LIPC: variants seen among roughly 807,000 people sequenced by gnomAD.
LIPC encodes the protein lipase C, hepatic type.
In LIPC, 44 loss-of-function variants were observed where a neutral mutation model predicts 50.7. The observed-to-expected ratio is 0.87, with a 90% CI of 0.68 to 1.11. LIPC has a LOEUF of 1.11. Ranked by LOEUF, LIPC falls within the 50% of genes most tolerant of loss-of-function variation. The probability of loss-of-function intolerance (pLI) is 0.00; values close to 1 mark genes in which losing one functional copy is unlikely to be tolerated. For missense variants in LIPC, 697 were observed against 648.2 expected (o/e 1.08, Z -0.82); for synonymous variants, 271 against 256.4 (o/e 1.06, Z -0.54).
Position 58,545,740 on chromosome 15 carries a change from A to G in LIPC, c.575-2A>G, listed in dbSNP as rs1328254005. The G allele has an allele frequency of 6.2e-7, 1 of 1,613,842 alleles. No individual in the cohort carries two copies. The highest frequency in any genetic ancestry group is 1.7e-5 in the Admixed American group (1 of 60,012). On this transcript the variant is annotated splice_acceptor_variant, in intron 4 of 8. Transcript: ENST00000299022. LOFTEE classifies it high-confidence loss of function. ...TAACCCTTACCCCTGCTTTCCCATT[A>G]GGGCTGGATGCCGCGGGACCTTTGT...
intron 1 of LIPC, among the ~76,000 whole-genome samples, chr15:58,513,129 C>T (rs1892383373): frequency 6.6e-6 from 1 of 152,182 alleles, no homozygotes; most frequent in African/African-American, 2.4e-5. Context: ...TCCCTAGGTT[C>T]CGCTCAGCAC....
At chr15:58,501,974 C>G (rs1003104013) in intron 1 of LIPC, among the ~76,000 whole-genome samples, 2 of 152,096 alleles carry the variant, frequency 1.3e-5, no homozygotes, top group African/African-American at 4.8e-5. Flanking sequence ...TCCAGCTCAC[C>G]CACTCTCCTG....
At chr15:58,444,821 A>G (rs1179829374) in intron 1 of LIPC, among the ~76,000 whole-genome samples, 1 of 152,242 alleles carries the variant, frequency 6.6e-6, no homozygotes, top group Non-Finnish European at 1.5e-5. Context: ...CATTACACCC[A>G]GCAAACACTT....
At chr15:58,536,107 A>T (rs186580720) in intron 1 of LIPC, among the ~76,000 whole-genome samples, 1 of 152,338 alleles carries the variant, frequency 6.6e-6, no homozygotes, top group East Asian at 1.9e-4. Flanking sequence ...TATTAGGATC[A>T]GGGAGGCAGT....
In LIPC at chr15:58,472,177, A is replaced by G. The variant is rs373168210; in HGVS notation, c.88+40057A>G. On this transcript the variant is annotated intron_variant, in intron 1 of 8. Coordinates refer to ENST00000299022, the MANE Select transcript of LIPC (RefSeq NM_000236.3). ...TCCCAGCTACTCGGGAGGCTGAAGC[A>G]GGACAATCACTTGAACCTGGGAGGC... Among the ~76,000 whole-genome samples the G allele has an allele frequency of 9.3e-5, 14 of 150,658 alleles. No homozygotes were observed. In the East Asian group the frequency reaches 1.8e-3, roughly 19 times the overall value.
chr15:58,506,164 T>G (rs537553516), intron 1 of LIPC, among the ~76,000 whole-genome samples: 233 of 152,318 alleles, frequency 1.5e-3, no homozygotes, highest in African/African-American at 4.7e-3. Flanking sequence ...TGGGGCTCCT[T>G]TCCCAGTACC....
chr15:58,440,080 C>G (rs1484926790), intron 1 of LIPC, among the ~76,000 whole-genome samples: 1 of 152,152 alleles, frequency 6.6e-6, no homozygotes, highest in African/African-American at 2.4e-5. Context: ...GTATTTAAAA[C>G]CCCAAGATAT....
chr15:58,541,230 C>G (rs752686283), intron 2 of LIPC, among the ~76,000 whole-genome samples: 29 of 152,150 alleles, frequency 1.9e-4, no homozygotes, highest in Non-Finnish European at 3.2e-4. Context: ...CAGAACAATT[C>G]TCTGTAAACA....
At chr15:58,567,320 T>C (rs1215345346) in intron 8 of LIPC, among the ~76,000 whole-genome samples, 34 of 27,990 alleles carry the variant, frequency 1.2e-3, no homozygotes, top group African/African-American at 4.4e-3. Flanking sequence ...TATATGTATA[T>C]GTGTATATAT....
At chr15:58,476,821 G>A (rs983898816) in intron 1 of LIPC, among the ~76,000 whole-genome samples, 2 of 152,238 alleles carry the variant, frequency 1.3e-5, no homozygotes, top group African/African-American at 2.4e-5. Flanking sequence ...CTCTGTACTT[G>A]AGAAGCTGTA....
chr15:58,543,119 A>C (rs1384259735), intron 4 of LIPC, among the ~76,000 whole-genome samples: 1 of 152,166 alleles, frequency 6.6e-6, no homozygotes, highest in African/African-American at 2.4e-5. Flanking sequence ...CTCTGCATCC[A>C]AAACTTCACC....
intron 1 of LIPC, among the ~76,000 whole-genome samples, chr15:58,465,657 G>C (rs913999670): frequency 3.9e-5 from 6 of 152,170 alleles, no homozygotes; most frequent in South Asian, 4.1e-4. Context: ...TAAGTACTTG[G>C]GTTAGGCATT....
chr15:58,493,136 C>A (rs1891640373), intron 1 of LIPC, among the ~76,000 whole-genome samples: 1 of 152,154 alleles, frequency 6.6e-6, no homozygotes, highest in South Asian at 2.1e-4. Flanking sequence ...CTCACATCAT[C>A]ATCAGACCAA....
Position 58,542,572 on chromosome 15 carries a change from TG to T in LIPC, c.498del (p.Tyr167ThrfsTer64). The part of the protein sequence containing the change: ...QLSRSHVHLI[G>X]YSLGAHVSGF... The stretch of plus-strand genomic sequence containing the variant: ...TCTCTCGAAGCCATGTTCACCTAAT[TG>T]GGTACAGCCTGGGTGCACACGTGTC... On this transcript the variant is annotated frameshift_variant, in exon 4 of 9. Coordinates refer to ENST00000299022, the MANE Select transcript of LIPC (RefSeq NM_000236.3). LOFTEE classifies it high-confidence loss of function. 2 of 1,613,804 alleles carry T rather than the reference TG, an allele frequency of 1.2e-6. No individual in the cohort carries two copies. Among genetic ancestry groups the T allele is most frequent in the South Asian group, 1.1e-5 (1 of 91,076 alleles).
At chr15:58,501,158 G>A (rs778005625) in intron 1 of LIPC, among the ~76,000 whole-genome samples, 5 of 151,930 alleles carry the variant, frequency 3.3e-5, no homozygotes, top group Non-Finnish European at 7.4e-5. Flanking sequence ...CCTTTCCTCT[G>A]CGTCTCTACA....
In LIPC at chr15:58,545,961, AGCACG is replaced by A. The variant is rs772126578; in HGVS notation, c.797_801del (p.His266LeufsTer37). 8.1e-6 allele frequency: 13 copies of A among 1,613,576 alleles called. No homozygotes were observed. Among genetic ancestry groups the A allele is most frequent in the Non-Finnish European group, 1.1e-5 (13 of 1,179,536 alleles). On this transcript the variant is annotated frameshift_variant, in exon 5 of 9. Transcript: ENST00000299022. LOFTEE classifies it high-confidence loss of function. ...CTAGAGCTCTACAGACATATTGCCC[AGCACG>A]GCTTCAATGGTGAGAATGAAGTCAT...
At chr15:58,490,835 G>A (rs1891561822) in intron 1 of LIPC, among the ~76,000 whole-genome samples, 1 of 152,144 alleles carries the variant, frequency 6.6e-6, no homozygotes, top group East Asian at 1.9e-4. Flanking sequence ...CAGTTATTAG[G>A]GAGGAGGGCA....
intron 1 of LIPC, among the ~76,000 whole-genome samples, chr15:58,496,126 A>G (rs868518808): frequency 6.6e-6 from 1 of 152,132 alleles, no homozygotes; most frequent in Non-Finnish European, 1.5e-5. Context: ...GTGGTTCTCA[A>G]CTGGGATGGT....
At position 58,566,023 on chromosome 15, in the gene LIPC, G is replaced by A. The variant is rs902287802; in HGVS notation, c.1388+2300G>A. 6 of 985,050 alleles carry A rather than the reference G, an allele frequency of 6.1e-6. No homozygotes were observed. In the East Asian group the frequency reaches 6.8e-4, roughly 112 times the overall value. The allele number at this position is 985,050 out of a possible 1,614,324, so 61.0% of individuals were successfully genotyped here. A position where few individuals can be genotyped will look rare whatever the true frequency, so the allele number is the denominator to read the frequency against. ...TACTAACGGTGTGGTCCATCCCAGG[G>A]CTTCTCAAACTTTCACGAGCATACA... On this transcript the variant is annotated intron_variant, in intron 8 of 8. Transcript: ENST00000299022.
Sources: allele counts gnomAD v4.1 joint callset (sites outside exome capture counted in the v4.1 genomes callset), GRCh38; gene constraint gnomAD v4.1.1; transcripts MANE v1.5; gene names NCBI Gene and HGNC (gene_info 2026-07-23, HGNC 2026-07-21).